Variants in SMURF1 observed in about 807,000 individuals in gnomAD.
The protein encoded by SMURF1 is SMAD specific E3 ubiquitin protein ligase 1, also known as E3 ubiquitin-protein ligase SMURF1.
In SMURF1, 44 loss-of-function variants were observed where a neutral mutation model predicts 98.0. The ratio of observed to expected loss-of-function variants is 0.45; its 90% CI spans 0.35 to 0.58. The LOEUF (loss-of-function observed/expected upper bound fraction) is 0.58, where lower values mean the gene tolerates loss of function less well. Among genes scored for constraint, SMURF1 ranks in the 20% least tolerant of loss-of-function variants. The pLI is 0.00. For synonymous variants in SMURF1, 396 were observed against 374.9 expected, an observed-to-expected ratio of 1.06 and a Z score of -0.65; for missense variants, 687 against 938.4, an observed-to-expected ratio of 0.73 and a Z score of 3.50.
chr7:99,059,395 CT>C (rs1464170541), intron 3 of SMURF1, among the ~76,000 whole-genome samples: 1 of 92,342 alleles, frequency 1.1e-5, no homozygotes, highest in African/African-American at 4.5e-5. Context: ...AAGACTCCAT[CT>C]CAAAAAAAAA....
intron 6 of SMURF1, among the ~76,000 whole-genome samples, chr7:99,053,565 C>T (rs1010972373): frequency 6.6e-6 from 1 of 152,200 alleles, no homozygotes; most frequent in African/African-American, 2.4e-5. Context: ...GACAGGTTCT[C>T]CTTCCCTCCT....
intron 6 of SMURF1, among the ~76,000 whole-genome samples, chr7:99,053,221 G>A (rs1463774415): frequency 6.6e-6 from 1 of 152,046 alleles, no homozygotes; most frequent in African/African-American, 2.4e-5. Context: ...ATAGGCTACT[G>A]TCCCTTAGAA....
At chr7:99,112,189 C>T (rs557538761) in intron 1 of SMURF1, among the ~76,000 whole-genome samples, 2 of 152,146 alleles carry the variant, frequency 1.3e-5, no homozygotes, top group African/African-American at 4.8e-5. Context: ...CTAAGAGGGC[C>T]CTAAGCTCCT....
chr7:99,052,417 C>T lies in SMURF1; in HGVS notation c.509G>A (p.Arg170Lys). 6.3e-7 allele frequency: 1 copy of T among 1,592,060 alleles called. No homozygotes were observed. The highest frequency in any genetic ancestry group is 8.6e-7 in the Non-Finnish European group (1 of 1,167,622). ...GTVYEDSGPG[R>K]PLSCFMEEPA... is the part of the protein sequence containing the mutation. ...TTCCTCCATGAAGCAGCTGAGCGGC[C>T]TCCCAGGCCCGGAGTCTTCATACAC... The change falls in exon 7 of 18, where the codon AGG becomes AAG. Residue 170 changes from arginine (R) to lysine (K), a missense_variant. Physicochemically the swap from Arg to Lys is conservative, Grantham distance 26 (BLOSUM62 2). This residue lies in a region of SMURF1 where 415 missense variants were observed against 508.4 expected (regional missense o/e 0.82). Coordinates refer to ENST00000361368, the MANE Select transcript of SMURF1 (RefSeq NM_181349.3).
At chr7:99,060,505 T>A in intron 3 of SMURF1, 94 bp downstream of exon 3, 1 of 722,486 alleles carries the variant, frequency 1.4e-6, no homozygotes. Context: ...TAAAAAGTCA[T>A]CCTTTTTTTT....
rs771846539 is a variant in SMURF1 at position 99,052,427 on chromosome 7, C to G, written c.499G>C (p.Gly167Arg). Residue 167 changes from glycine to arginine, a missense_variant, in exon 7 of 18, where the codon GGG becomes CGG. Around this residue, in one of 2 missense-constraint regions of SMURF1, gnomAD observed 415 missense variants for 508.4 expected, o/e 0.82. Coordinates refer to ENST00000361368, the MANE Select transcript of SMURF1 (RefSeq NM_181349.3). ...ENEGTVYEDS[G>R]PGRPLSCFME... ...AAGCAGCTGAGCGGCCTCCCAGGCC[C>G]GGAGTCTTCATACACCGTTCTGAAA... 4.4e-6 allele frequency: 7 copies of G among 1,584,678 alleles called. No homozygotes were observed. The highest frequency in any genetic ancestry group is 6.0e-6 in the Non-Finnish European group (7 of 1,163,662).
intron 1 of SMURF1, among the ~76,000 whole-genome samples, chr7:99,126,687 A>T (rs756519611): frequency 3.3e-5 from 5 of 152,232 alleles, no homozygotes; most frequent in African/African-American, 4.8e-5. Flanking sequence ...TAAAAAGTTT[A>T]ATTAGAAATT....
chr7:99,040,822 G>C (rs1795347777), intron 12 of SMURF1, among the ~76,000 whole-genome samples: 1 of 152,202 alleles, frequency 6.6e-6, no homozygotes, highest in Non-Finnish European at 1.5e-5. Flanking sequence ...GGAGCCCCGT[G>C]TTCAGCAATG....
At chr7:99,137,562 A>T (rs941001) in intron 1 of SMURF1, among the ~76,000 whole-genome samples, 77,092 of 152,114 alleles carry the variant, frequency 0.51, 21,917 homozygotes, top group East Asian at 0.65. Context: ...CAGACTCCTG[A>T]AAGCAAGCTG....
rs573383551 is a variant in SMURF1 at position 99,126,277 on chromosome 7, A to G, written c.55+17449T>C. Among the ~76,000 whole-genome samples the G allele has an allele frequency of 1.8e-3, 277 of 152,130 alleles. 1 individual carries two copies. Among genetic ancestry groups the G allele is most frequent in the Non-Finnish European group, 3.6e-3 (244 of 68,020 alleles). Reference sequence around the variant, plus strand: ...TGCAAAAATTATAAGCCTTAATATTAAAGAATCAAGCCTCATTTCAAATAA... The same window carrying G: ...TGCAAAAATTATAAGCCTTAATATTGAAGAATCAAGCCTCATTTCAAATAA... On this transcript the variant is annotated intron_variant, in intron 1 of 17. Coordinates refer to ENST00000361368, the MANE Select transcript of SMURF1 (RefSeq NM_181349.3).
chr7:99,051,348 G>T lies in SMURF1; in HGVS notation c.806+9C>A. The T allele has an allele frequency of 6.2e-7, 1 of 1,611,844 alleles. No individual in the cohort carries two copies. Among genetic ancestry groups the T allele is most frequent in the Non-Finnish European group, 8.5e-7 (1 of 1,177,912 alleles). On this transcript the variant is annotated intron_variant, in intron 8 of 17. Transcript: ENST00000361368. ...GACAGCTGGGGGGTGTCCATTTCAGGAGGCTTACCTTGGTATCCTGGGGTC... is the reference window on the plus strand; with the variant it reads ...GACAGCTGGGGGGTGTCCATTTCAGTAGGCTTACCTTGGTATCCTGGGGTC...
chr7:99,030,739 TCAAGGC>T, intron 17 of SMURF1, 56 bp from the exon 18 acceptor site: 1 of 1,363,400 alleles, frequency 7.3e-7, no homozygotes, highest in Non-Finnish European at 1.0e-6. Context: ...AGGACCAACC[TCAAGGC>T]CAAGGACAGG....
chr7:99,059,294 AG>A (rs1795962581), intron 3 of SMURF1, among the ~76,000 whole-genome samples: 1 of 147,686 alleles, frequency 6.8e-6, no homozygotes, highest in South Asian at 2.1e-4. Flanking sequence ...GCTACTTGGG[AG>A]GCTGAGGCAG....
At chr7:99,040,850 C>T (rs965559094) in intron 12 of SMURF1, among the ~76,000 whole-genome samples, 2 of 152,182 alleles carry the variant, frequency 1.3e-5, no homozygotes, top group Admixed American at 6.5e-5. Flanking sequence ...ATTTCACCTT[C>T]GTGACAACAG....
rs780758465 is a variant in SMURF1 at position 99,033,081 on chromosome 7, G to A, written c.2052C>T (p.His684=). The change falls in exon 17 of 18, where the codon CAC becomes CAT. Residue 684 remains histidine, a synonymous_variant. Coordinates refer to ENST00000361368, the MANE Select transcript of SMURF1 (RefSeq NM_181349.3). ...GGTTGTCTGTGTTCGCGTCTATCAG[G>A]TGGATGGTGAACAGCCGGGGCCCTG... is the stretch of plus-strand genomic sequence containing the variant. The part of the protein sequence containing the change: ...GAAGPRLFTI[H]LIDANTDNLP... 6.3e-7 allele frequency: 1 copy of A among 1,592,258 alleles called. No homozygotes were observed. Among genetic ancestry groups the A allele is most frequent in the South Asian group, 1.1e-5 (1 of 88,432 alleles).
At chr7:99,125,467 T>G (rs1423380895) in intron 1 of SMURF1, among the ~76,000 whole-genome samples, 1 of 152,146 alleles carries the variant, frequency 6.6e-6, no homozygotes, top group Non-Finnish European at 1.5e-5. Flanking sequence ...AATAAAGGAG[T>G]GCTTATGAAA....
chr7:99,110,991 T>C (rs1480107394), intron 1 of SMURF1, among the ~76,000 whole-genome samples: 1 of 152,230 alleles, frequency 6.6e-6, no homozygotes, highest in East Asian at 1.9e-4. Flanking sequence ...AGCATTTGCT[T>C]GTATTTGCAT....
In SMURF1 at chr7:99,143,723, T is replaced by C; in HGVS notation, c.55+3A>G. On this transcript the variant is annotated splice_donor_region_variant and intron_variant, in intron 1 of 17. Transcript: ENST00000361368. ...GCGCGGGTGGGCCTCCCGCCGGCCG[T>C]ACCTGTCAGACGGATCTTGATGCTG... The C allele has an allele frequency of 6.4e-7, 1 of 1,556,774 alleles. No homozygotes were observed.
At chr7:99,142,843 G>A (rs1311940822) in intron 1 of SMURF1, among the ~76,000 whole-genome samples, 3 of 150,010 alleles carry the variant, frequency 2.0e-5, no homozygotes, top group African/African-American at 7.4e-5. Context: ...TGAGAAGTGA[G>A]GGATGGGACC....
Sources: gnomAD v4.1 joint callset for allele counts (sites outside exome capture counted in the v4.1 genomes callset) on GRCh38, gnomAD v4.1.1 for gene constraint, gnomAD v4.1.1 regional missense constraint, MANE v1.5 for transcripts, NCBI Gene and HGNC (gene_info 2026-07-23, HGNC 2026-07-21) for gene names.